The following IL33 variants were observed in gnomAD, a reference collection of about 807,000 sequenced individuals.
IL33 encodes interleukin-33.
In IL33, 37 loss-of-function variants were observed where a neutral mutation model predicts 27.3. The observed-to-expected ratio is 1.36, with a 90% CI of 1.04 to 1.78. The LOEUF is 1.78. Among genes scored for constraint, IL33 ranks in the 40% most tolerant of loss-of-function variants. The pLI is 0.00. For synonymous variants in IL33, 132 were observed against 102.9 expected (o/e 1.28, Z -1.71); for missense variants, 406 against 311.4 (o/e 1.30, Z -2.29).
chr9:6,221,969 A>G (rs768932953), intron 1 of IL33, among the ~76,000 whole-genome samples: 14 of 152,186 alleles, frequency 9.2e-5, no homozygotes, highest in South Asian at 2.1e-4. Context: ...TAAGAATTCC[A>G]CAGAGAAATA....
chr9:6,222,768 G>A (rs1818465654), intron 1 of IL33, among the ~76,000 whole-genome samples: 1 of 151,944 alleles, frequency 6.6e-6, no homozygotes, highest in African/African-American at 2.4e-5. Context: ...CTTTCAGGCA[G>A]CAATTTCTTT....
rs1391477696 is a variant in IL33 at position 6,224,860 on chromosome 9, A to G, written c.-12+9008A>G. Among the ~76,000 whole-genome samples, 4 of 152,198 alleles carry G rather than the reference A, an allele frequency of 2.6e-5. No individual in the cohort carries two copies. In the East Asian group the frequency reaches 7.7e-4, roughly 29 times the overall value. On this transcript the variant is annotated intron_variant, in intron 1 of 7. Transcript: ENST00000682010. Reference sequence around the variant, plus strand: ...TCAGAAAACAATCCAAGCCAGGTCCAAAGCAGTGAACTCAGGCAGAATAGA... The same window carrying G: ...TCAGAAAACAATCCAAGCCAGGTCCGAAGCAGTGAACTCAGGCAGAATAGA...
chr9:6,246,547 C>T (rs926123031), intron 2 of IL33, among the ~76,000 whole-genome samples: 9 of 151,760 alleles, frequency 5.9e-5, no homozygotes, highest in African/African-American at 1.2e-4. Flanking sequence ...GACAACAGAG[C>T]GAGTCTCCAT....
intron 1 of IL33, among the ~76,000 whole-genome samples, chr9:6,224,851 G>A (rs1353784060): frequency 6.6e-6 from 1 of 152,026 alleles, no homozygotes; most frequent in Non-Finnish European, 1.5e-5. Context: ...AACAATCCAA[G>A]CCAGGTCCAA....
chr9:6,231,990 A>G (rs1564055892), intron 1 of IL33, among the ~76,000 whole-genome samples: 1 of 152,248 alleles, frequency 6.6e-6, no homozygotes, highest in Non-Finnish European at 1.5e-5. Context: ...GTCTGATTAA[A>G]TGAATTTATT....
chr9:6,243,370 C>T (rs1016794753), intron 2 of IL33, among the ~76,000 whole-genome samples: 1 of 152,110 alleles, frequency 6.6e-6, no homozygotes, highest in Admixed American at 6.6e-5. Flanking sequence ...TATTTATTTT[C>T]TGTTGAGACA....
chr9:6,222,812 AT>A (rs369112246), intron 1 of IL33, among the ~76,000 whole-genome samples: 13 of 150,066 alleles, frequency 8.7e-5, no homozygotes, highest in African/African-American at 9.7e-5. Flanking sequence ...GTATTAACTG[AT>A]TTTTTTTTTA....
intron 2 of IL33, among the ~76,000 whole-genome samples, chr9:6,249,634 G>C (rs12683544): frequency 6.6e-6 from 1 of 152,166 alleles, no homozygotes; most frequent in African/African-American, 2.4e-5. Flanking sequence ...TCAAATTGTA[G>C]TGTAGCATTT....
intron 1 of IL33, among the ~76,000 whole-genome samples, chr9:6,228,210 G>A (rs1461830878): frequency 6.6e-6 from 1 of 152,056 alleles, no homozygotes; most frequent in African/African-American, 2.4e-5. Flanking sequence ...AGCACTTTGG[G>A]TGACCAAGGC....
chr9:6,249,763 TC>T (rs1587661595), intron 2 of IL33, among the ~76,000 whole-genome samples: 1 of 152,326 alleles, frequency 6.6e-6, no homozygotes, highest in East Asian at 1.9e-4. Flanking sequence ...CCTGAGAGCC[TC>T]AGATTATCAT....
Position 6,257,486 on chromosome 9 carries a change from G to A in IL33, c.*1318G>A, listed in dbSNP as rs1344615711. ...CAATATTTTTTTGCTAAACGTTTTT[G>A]TTTTTTACTGTCACTAGGGCAATAA... On this transcript the variant is annotated 3_prime_UTR_variant, in exon 8 of 8. Transcript: ENST00000682010. 6.6e-6 allele frequency: 1 copy of A among 152,442 alleles called. No homozygotes were observed. Among genetic ancestry groups the A allele is most frequent in the Non-Finnish European group, 1.5e-5 (1 of 67,966 alleles). 9.4% of individuals were successfully genotyped at this position (152,442 alleles called of 1,614,324 possible). A position where few individuals can be genotyped will look rare whatever the true frequency, so the allele number is the denominator to read the frequency against.
intron 1 of IL33, among the ~76,000 whole-genome samples, chr9:6,232,665 C>T (rs1026354282): frequency 3.8e-4 from 58 of 152,270 alleles, no homozygotes; most frequent in African/African-American, 1.3e-3. Context: ...GCCTTTCTAA[C>T]CCCATCCCCA....
intron 4 of IL33, 143 bp downstream of exon 4, chr9:6,251,408 C>T: frequency 1.7e-6 from 2 of 1,197,900 alleles, no homozygotes; most frequent in Non-Finnish European, 1.2e-6. Context: ...CTGATGTACC[C>T]ATCTAATAGT....
chr9:6,233,712 T>A (rs1157040030), intron 1 of IL33, among the ~76,000 whole-genome samples: 1 of 152,086 alleles, frequency 6.6e-6, no homozygotes, highest in Non-Finnish European at 1.5e-5. Flanking sequence ...ATTATGAAAA[T>A]TTTCATTATT....
At position 6,253,566 on chromosome 9, in the gene IL33, A is replaced by T; in HGVS notation, c.484A>T (p.Ser162Cys). The change falls in exon 6 of 8, where the codon AGT (serine) becomes TGT (cysteine). Residue 162 changes from serine (S) to cysteine (C), a missense_variant. Coordinates refer to ENST00000682010, the MANE Select transcript of IL33 (RefSeq NM_033439.4). Reference protein sequence around the residue: ...KDEKKDKVLLSYYESQHPSNE... With the variant: ...KDEKKDKVLLCYYESQHPSNE... ...TTCTCTTTCAGATAAGGTGTTACTG[A>T]GTTACTATGAGTCTCAACACCCCTC... 6.2e-7 allele frequency: 1 copy of T among 1,608,086 alleles called. No individual in the cohort carries two copies. The highest frequency in any genetic ancestry group is 8.5e-7 in the Non-Finnish European group (1 of 1,176,186).
In IL33 at chr9:6,253,550, A is replaced by C. The variant is rs1816537068; in HGVS notation, c.470-2A>C. 1 of 1,599,168 alleles carries C rather than the reference A, an allele frequency of 6.3e-7. No homozygotes were observed. The highest frequency in any genetic ancestry group is 1.1e-5 in the South Asian group (1 of 88,736). On this transcript the variant is annotated splice_acceptor_variant, in intron 5 of 7. Coordinates refer to ENST00000682010, the MANE Select transcript of IL33 (RefSeq NM_033439.4). LOFTEE classifies it high-confidence loss of function. ...AGAGGGATTTTATGCATTCTCTTTC[A>C]GATAAGGTGTTACTGAGTTACTATG...
At chr9:6,230,155 C>A (rs1248674474) in intron 1 of IL33, among the ~76,000 whole-genome samples, 2 of 152,138 alleles carry the variant, frequency 1.3e-5, no homozygotes. Context: ...CCAGGAAAAC[C>A]ATGGCAAAGC....
At chr9:6,243,150 G>A (rs1251882462) in intron 2 of IL33, among the ~76,000 whole-genome samples, 1 of 152,124 alleles carries the variant, frequency 6.6e-6, no homozygotes, top group Non-Finnish European at 1.5e-5. Flanking sequence ...GAGACTTGGT[G>A]GGACCAAACC....
At chr9:6,241,935 T>C (rs971403641) in intron 2 of IL33, 150 bp downstream of exon 2, 1 of 606,308 alleles carries the variant, frequency 1.6e-6, no homozygotes, top group Non-Finnish European at 2.8e-6. Context: ...AAGGGTATAA[T>C]ACAGCAGACT....
Sources: allele counts gnomAD v4.1 joint callset (sites outside exome capture counted in the v4.1 genomes callset), GRCh38; gene constraint gnomAD v4.1.1; transcripts MANE v1.5; gene names NCBI Gene and HGNC (gene_info 2026-07-23, HGNC 2026-07-21).